LGR6: variants seen among roughly 807,000 people sequenced by gnomAD.
The protein encoded by LGR6 is leucine rich repeat containing G protein-coupled receptor 6, also known as leucine-rich repeat-containing G protein-coupled receptor 6.
Under a neutral mutation model 69.4 loss-of-function variants are expected in LGR6, and 45 were observed. That is an observed-to-expected ratio of 0.65 (90% CI 0.51 to 0.83). LGR6 has a LOEUF of 0.83. Among genes scored for constraint, LGR6 ranks in the 40% least tolerant of loss-of-function variants. The probability of loss-of-function intolerance (pLI) is 0.00; values close to 1 mark genes in which losing one functional copy is unlikely to be tolerated. For missense variants in LGR6, 1,108 were observed against 1,246.7 expected (o/e 0.89, Z 1.68); for synonymous variants, 538 against 555.0 (o/e 0.97, Z 0.43).
In LGR6 at chr1:202,272,379, G is replaced by T. The variant is rs764595304; in HGVS notation, c.429-3927G>T. The stretch of plus-strand genomic sequence containing the variant: ...CACAGTCCTGGCCGATTTCTTCCAT[G>T]TGCTCATTCCACCTTCTTCATTTGC... On this transcript the variant is annotated intron_variant, in intron 4 of 17. Coordinates refer to ENST00000367278, the MANE Select transcript of LGR6 (RefSeq NM_001017403.2). Among the ~76,000 whole-genome samples, 3 of 152,070 alleles carry T rather than the reference G, an allele frequency of 2.0e-5. No homozygotes were observed. In the South Asian group the frequency reaches 6.2e-4, roughly 32 times the overall value.
chr1:202,275,376 T>C (rs1250502740), intron 4 of LGR6, among the ~76,000 whole-genome samples: 1 of 152,234 alleles, frequency 6.6e-6, no homozygotes, highest in East Asian at 1.9e-4. Flanking sequence ...AGTAGCATGT[T>C]GATAAAGGCT....
At chr1:202,292,749 A>G (rs1388162291) in intron 6 of LGR6, among the ~76,000 whole-genome samples, 1 of 152,214 alleles carries the variant, frequency 6.6e-6, no homozygotes, top group Non-Finnish European at 1.5e-5. Flanking sequence ...AATGTTCTGC[A>G]TCTGTTCTTA....
At chr1:202,220,675 G>C (rs1660091323) in intron 1 of LGR6, among the ~76,000 whole-genome samples, 1 of 152,214 alleles carries the variant, frequency 6.6e-6, no homozygotes, top group Non-Finnish European at 1.5e-5. Flanking sequence ...CTACATGCAT[G>C]GTAAGTGCTC....
intron 4 of LGR6, among the ~76,000 whole-genome samples, chr1:202,244,408 G>A (rs986412589): frequency 2.0e-5 from 3 of 152,190 alleles, no homozygotes; most frequent in African/African-American, 4.8e-5. Context: ...CAACTGAAAT[G>A]CATTCACTCA....
chr1:202,286,888 G>A (rs1666431586), intron 6 of LGR6, among the ~76,000 whole-genome samples: 1 of 152,176 alleles, frequency 6.6e-6, no homozygotes, highest in Admixed American at 6.5e-5. Flanking sequence ...TTGCCCTGGT[G>A]TGGGGGGTAG....
chr1:202,214,333 C>T (rs557527370), intron 1 of LGR6: 4 of 1,267,890 alleles, frequency 3.2e-6, no homozygotes, highest in Non-Finnish European at 3.2e-6. Flanking sequence ...ACGGGTGGGG[C>T]GCTACCCGGG....
chr1:202,297,678 G>A lies in LGR6; in HGVS notation c.785+102G>A, dbSNP rs544336964. ...TGCTCTTACCTCCTCACCTCCCATG[G>A]TCCTTATAAAAGATGTAGCTGTCCC... is the stretch of plus-strand genomic sequence containing the variant. On this transcript the variant is annotated intron_variant, in intron 7 of 17. Transcript: ENST00000367278. 1.3e-5 allele frequency: 12 copies of A among 905,990 alleles called. No individual in the cohort carries two copies. In the African/African-American group the frequency reaches 1.8e-4, roughly 14 times the overall value. 56.1% of individuals were successfully genotyped at this position (905,990 alleles called of 1,614,324 possible).
At chr1:202,253,272 A>C (rs935767872) in intron 4 of LGR6, among the ~76,000 whole-genome samples, 1 of 151,936 alleles carries the variant, frequency 6.6e-6, no homozygotes, top group African/African-American at 2.4e-5. Context: ...TGCCAGGTAC[A>C]TCCTGAGTGC....
chr1:202,259,776 C>T (rs1021794064), intron 4 of LGR6, among the ~76,000 whole-genome samples: 3 of 152,080 alleles, frequency 2.0e-5, no homozygotes, highest in Non-Finnish European at 2.9e-5. Context: ...GAACTCTGCA[C>T]GCTATCTCCT....
intron 4 of LGR6, among the ~76,000 whole-genome samples, chr1:202,274,368 G>A (rs186106401): frequency 6.6e-6 from 1 of 152,340 alleles, no homozygotes; most frequent in African/African-American, 2.4e-5. Context: ...TATGCAGGAG[G>A]TTGAGGTAGA....
At chr1:202,311,700 A>C (rs137864112) in intron 16 of LGR6, among the ~76,000 whole-genome samples, 2 of 152,324 alleles carry the variant, frequency 1.3e-5, no homozygotes, top group East Asian at 3.9e-4. Flanking sequence ...GAGAAAGATA[A>C]TGGATAGCTC....
rs901972478 is a variant in LGR6, at chr1:202,301,322, C to G, written c.929+87C>G. 5 of 1,157,862 alleles carry G rather than the reference C, an allele frequency of 4.3e-6. No individual in the cohort carries two copies. In the Admixed American group the frequency reaches 7.3e-5, roughly 17 times the overall value. 71.7% of individuals were successfully genotyped at this position (1,157,862 alleles called of 1,614,324 possible). On this transcript the variant is annotated intron_variant, in intron 9 of 17. Transcript: ENST00000367278. ...TCTCTCCTGCCTATCGCCTGCGGAT[C>G]TCTCCCTTGCAAGGCACAAGTCCAC...
In LGR6 at chr1:202,307,465, T is replaced by C. The variant is rs1653336961; in HGVS notation, c.1280+64T>C. ...CCAGTCGGGACTATGGGCTGGCCAATGGAGGCAGAAGGGCCACCCCAGAGC... is the reference window on the plus strand; with the variant it reads ...CCAGTCGGGACTATGGGCTGGCCAACGGAGGCAGAAGGGCCACCCCAGAGC... On this transcript the variant is annotated intron_variant, in intron 14 of 17. Coordinates refer to ENST00000367278, the MANE Select transcript of LGR6 (RefSeq NM_001017403.2). The C allele has an allele frequency of 4.0e-6, 6 of 1,492,102 alleles. No homozygotes were observed. In the South Asian group the frequency reaches 6.8e-5, roughly 17 times the overall value. The allele number at this position is 1,492,102 out of a possible 1,614,324, so 92.4% of individuals were successfully genotyped here.
intron 4 of LGR6, among the ~76,000 whole-genome samples, chr1:202,247,097 C>G (rs1048542060): frequency 5.9e-5 from 9 of 152,342 alleles, no homozygotes; most frequent in Middle Eastern, 3.4e-3. Flanking sequence ...GGCCCCTTCT[C>G]AGACTTAGTG....
chr1:202,224,553 G>T (rs965412774), intron 1 of LGR6, among the ~76,000 whole-genome samples: 17 of 152,312 alleles, frequency 1.1e-4, no homozygotes, highest in Non-Finnish European at 1.8e-4. Flanking sequence ...CCACGGACAG[G>T]GGTGGAGTGT....
intron 1 of LGR6, among the ~76,000 whole-genome samples, chr1:202,201,972 G>C (rs902828749): frequency 6.6e-6 from 1 of 152,196 alleles, no homozygotes; most frequent in Admixed American, 6.5e-5. Flanking sequence ...CCAGGTGCAC[G>C]TGAGAAGTGA....
chr1:202,205,605 CACACCTCCTTCACACATACACAT>C (rs1659176098), intron 1 of LGR6, among the ~76,000 whole-genome samples: 1 of 149,098 alleles, frequency 6.7e-6, no homozygotes. Flanking sequence ...AACATACACA[CACACCTCCTTCACACATACACAT>C]ACACCTCCTT....
intron 1 of LGR6, among the ~76,000 whole-genome samples, chr1:202,205,022 CACACACCTCCTT>C (rs1558004482): frequency 1.0e-3 from 3 of 2,938 alleles, no homozygotes; most frequent in Non-Finnish European, 1.9e-3. Context: ...ACACACACCT[CACACACCTCCTT>C]CAAACACACA....
At chr1:202,221,426 A>G (rs1391453628) in intron 1 of LGR6, among the ~76,000 whole-genome samples, 5 of 152,122 alleles carry the variant, frequency 3.3e-5, no homozygotes, top group Admixed American at 3.3e-4. Flanking sequence ...ATGTGCAGCC[A>G]GAAACTTCCA....
Sources: gnomAD v4.1 joint callset for allele counts (sites outside exome capture counted in the v4.1 genomes callset) on GRCh38, gnomAD v4.1.1 for gene constraint, MANE v1.5 for transcripts, NCBI Gene and HGNC (gene_info 2026-07-23, HGNC 2026-07-21) for gene names.